NSL1: variants seen among roughly 807,000 people sequenced by gnomAD.
NSL1 encodes NSL1 component of MIS12 kinetochore complex, also known as kinetochore-associated protein NSL1 homolog.
Under a neutral mutation model 25.4 loss-of-function variants are expected in NSL1, and 11 were observed. The observed-to-expected ratio is 0.43, with a 90% CI of 0.27 to 0.72. The LOEUF is 0.72. Ranked by LOEUF, NSL1 falls within the 30% of genes least tolerant of loss-of-function variation. The pLI is 0.19. For missense variants in NSL1, 330 were observed against 342.7 expected (o/e 0.96, Z 0.29); for synonymous variants, 118 against 120.6 (o/e 0.98, Z 0.14).
chr1:212,777,068 A>C (rs77836406), intron 4 of NSL1, among the ~76,000 whole-genome samples: 7,266 of 151,938 alleles, frequency 0.048, 259 homozygotes, highest in African/African-American at 0.09. Flanking sequence ...ACTAAAAAAA[A>C]AAAAACAAAA....
In NSL1 at chr1:212,787,928, T is replaced by C. The variant is rs1661011543; in HGVS notation, c.235-291A>G. Reference sequence around the variant, plus strand: ...TCCTAGAATGAAAGAAAAAATAAAATCTAACAAATTTAGGCTCAGTTGAAT... The same window carrying C: ...TCCTAGAATGAAAGAAAAAATAAAACCTAACAAATTTAGGCTCAGTTGAAT... On this transcript the variant is annotated intron_variant, in intron 1 of 5. Coordinates refer to ENST00000366977, the MANE Select transcript of NSL1 (RefSeq NM_015471.4). Among the ~76,000 whole-genome samples, 6 of 152,046 alleles carry C rather than the reference T, an allele frequency of 3.9e-5. No individual in the cohort carries two copies. The South Asian group carries it at 1.2e-3, about 31-fold the overall frequency.
intron 4 of NSL1, among the ~76,000 whole-genome samples, chr1:212,748,182 C>G (rs1658896853): frequency 6.6e-6 from 1 of 152,102 alleles, no homozygotes; most frequent in African/African-American, 2.4e-5. Flanking sequence ...TATCTGTTAA[C>G]TTTTTACTTA....
chr1:212,788,522 C>T (rs896696512), intron 1 of NSL1, among the ~76,000 whole-genome samples: 4 of 151,864 alleles, frequency 2.6e-5, no homozygotes, highest in South Asian at 2.1e-4. Flanking sequence ...AGATAAAGAA[C>T]CAAAAAACAA....
intron 1 of NSL1, among the ~76,000 whole-genome samples, chr1:212,791,135 A>G (rs1661229138): frequency 6.6e-6 from 1 of 152,182 alleles, no homozygotes; most frequent in South Asian, 2.1e-4. Context: ...CCGTAAATGC[A>G]GCACACCAGA....
intron 4 of NSL1, among the ~76,000 whole-genome samples, chr1:212,747,458 T>C (rs1031034329): frequency 6.6e-6 from 1 of 152,204 alleles, no homozygotes; most frequent in Non-Finnish European, 1.5e-5. Context: ...CCAACAACTA[T>C]GTGAGTGAGT....
At chr1:212,738,800 T>C in intron 5 of NSL1, 114 bp from the exon 6 acceptor site, 1 of 833,464 alleles carries the variant, frequency 1.2e-6, no homozygotes, top group Non-Finnish European at 1.8e-6. Flanking sequence ...TCTTGCTTTG[T>C]TGCCCAGGCT....
chr1:212,767,055 T>C (rs1328468628), intron 4 of NSL1, among the ~76,000 whole-genome samples: 2 of 152,156 alleles, frequency 1.3e-5, no homozygotes, highest in Admixed American at 6.6e-5. Flanking sequence ...CCCATCAAGA[T>C]ACCACCATAA....
intron 4 of NSL1, among the ~76,000 whole-genome samples, chr1:212,758,896 T>G (rs1179427899): frequency 6.6e-6 from 1 of 152,192 alleles, no homozygotes; most frequent in Non-Finnish European, 1.5e-5. Flanking sequence ...CTTACAAAGC[T>G]ATAATAATCA....
At chr1:212,784,326 A>G in intron 3 of NSL1, 37 bp downstream of exon 3, 2 of 1,436,152 alleles carry the variant, frequency 1.4e-6, no homozygotes, top group Non-Finnish European at 1.9e-6. Context: ...TATTGTGGTA[A>G]AATATACTAT....
rs927878521 is a variant in NSL1 at position 212,733,213 on chromosome 1, G to T, written c.*5195C>A. On this transcript the variant is annotated 3_prime_UTR_variant, in exon 6 of 6. Coordinates refer to ENST00000366977, the MANE Select transcript of NSL1 (RefSeq NM_015471.4). ...AGCACTTTGGGAGGCAGAGGTGGGC[G>T]GATCGCTTGAGCTCACGAGTTTGAG... 6.6e-6 allele frequency among the ~76,000 whole-genome samples: 1 copy of T among 152,010 alleles called. No homozygotes were observed. The highest frequency in any genetic ancestry group is 1.5e-5 in the Non-Finnish European group (1 of 68,008).
At chr1:212,756,747 G>T (rs960586816) in intron 4 of NSL1, among the ~76,000 whole-genome samples, 1 of 152,140 alleles carries the variant, frequency 6.6e-6, no homozygotes, top group Non-Finnish European at 1.5e-5. Context: ...TTGAACCTGG[G>T]AGGTGGAGGT....
intron 4 of NSL1, among the ~76,000 whole-genome samples, chr1:212,776,703 T>C (rs866531791): frequency 5.4e-5 from 8 of 146,868 alleles, no homozygotes; most frequent in Middle Eastern, 3.5e-3. Context: ...AGGAAAACGG[T>C]AAAACAAAAC....
Position 212,729,399 on chromosome 1 carries a change from T to TA in NSL1, c.*9008dup. 1 of 984,058 alleles carries TA rather than the reference T, an allele frequency of 1.0e-6. No individual in the cohort carries two copies. Among genetic ancestry groups the TA allele is most frequent in the South Asian group, 4.7e-5 (1 of 21,260 alleles). The allele number at this position is 984,058 out of a possible 1,614,324, so 61.0% of individuals were successfully genotyped here. A position where few individuals can be genotyped will look rare whatever the true frequency, so the allele number is the denominator to read the frequency against. On this transcript the variant is annotated 3_prime_UTR_variant, in exon 6 of 6. Transcript: ENST00000366977. ...TCCACACAGCTCTTAGCACAGTATTTAGATTCATCGAGTATGTGTGTAATA... is the reference window on the plus strand; with the variant it reads ...TCCACACAGCTCTTAGCACAGTATTTAAGATTCATCGAGTATGTGTGTAATA...
At chr1:212,780,251 A>G (rs1262288956) in intron 4 of NSL1, among the ~76,000 whole-genome samples, 2 of 151,926 alleles carry the variant, frequency 1.3e-5, no homozygotes, top group Non-Finnish European at 1.5e-5. Flanking sequence ...ACTCAGGGTT[A>G]AATGGATTAA....
chr1:212,783,044 C>T (rs1488699702), intron 3 of NSL1, among the ~76,000 whole-genome samples: 1 of 152,122 alleles, frequency 6.6e-6, no homozygotes, highest in African/African-American at 2.4e-5. Flanking sequence ...TGGTGACTCA[C>T]ACTTGTAATT....
chr1:212,776,858 A>G (rs1660397516), intron 4 of NSL1, among the ~76,000 whole-genome samples: 1 of 152,006 alleles, frequency 6.6e-6, no homozygotes, highest in Admixed American at 6.5e-5. Context: ...GGACTTAGAG[A>G]TAAATGTGTA....
intron 4 of NSL1, chr1:212,781,820 A>G (rs1292605110): frequency 1.0e-5 from 2 of 200,288 alleles, no homozygotes; most frequent in Non-Finnish European, 1.1e-5. Context: ...TAGCAATGCT[A>G]GTTCTGCTGC....
intron 4 of NSL1, among the ~76,000 whole-genome samples, chr1:212,755,358 A>T (rs1375772457): frequency 6.6e-6 from 1 of 152,058 alleles, no homozygotes; most frequent in Non-Finnish European, 1.5e-5. Flanking sequence ...AGATAAAAGT[A>T]TATATGGAGA....
In NSL1 at chr1:212,727,232, A is replaced by C; in HGVS notation, c.*11176T>G. Reference sequence around the variant, plus strand: ...ATTTAGAAGATCTCTTTTTCTGAAAACTATATATGGCTTTCAAGACTTGCC... The same window carrying C: ...ATTTAGAAGATCTCTTTTTCTGAAACCTATATATGGCTTTCAAGACTTGCC... On this transcript the variant is annotated 3_prime_UTR_variant, in exon 6 of 6. Coordinates refer to ENST00000366977, the MANE Select transcript of NSL1 (RefSeq NM_015471.4). 1 of 1,464,742 alleles carries C rather than the reference A, an allele frequency of 6.8e-7. No individual in the cohort carries two copies. The highest frequency in any genetic ancestry group is 9.1e-7 in the Non-Finnish European group (1 of 1,103,310). The allele number at this position is 1,464,742 out of a possible 1,614,324, so 90.7% of individuals were successfully genotyped here. A position where few individuals can be genotyped will look rare whatever the true frequency, so the allele number is the denominator to read the frequency against.
Sources: gnomAD v4.1 joint callset for allele counts (sites outside exome capture counted in the v4.1 genomes callset) on GRCh38, gnomAD v4.1.1 for gene constraint, MANE v1.5 for transcripts, NCBI Gene and HGNC (gene_info 2026-07-23, HGNC 2026-07-21) for gene names.